ZBTB25: variants seen among roughly 807,000 people sequenced by gnomAD.
The protein encoded by ZBTB25 is zinc finger and BTB domain-containing protein 25.
ZBTB25 carries 20 observed loss-of-function variants against 34.2 expected under a neutral mutation model. That is an observed-to-expected ratio of 0.58 (90% CI 0.41 to 0.85). The LOEUF (loss-of-function observed/expected upper bound fraction) is 0.85, where lower values mean the gene tolerates loss of function less well. Ranked by LOEUF, ZBTB25 falls within the 40% of genes least tolerant of loss-of-function variation. The pLI is 0.00. For missense variants in ZBTB25, 437 were observed against 521.8 expected (o/e 0.84, Z 1.58); for synonymous variants, 175 against 186.4 (o/e 0.94, Z 0.50).
Position 64,487,648 on chromosome 14 carries a change from C to T in ZBTB25, c.583G>A (p.Glu195Lys). The T allele has an allele frequency of 1.2e-6, 2 of 1,604,932 alleles. No individual in the cohort carries two copies. Among genetic ancestry groups the T allele is most frequent in the South Asian group, 2.2e-5 (2 of 89,346 alleles). ...ATGGAAACTGGGGGCTTCTGGTGCT[C>T]CTCCAGGGCCTGGGTGGCAGGACAG... ...RACPATQALEEHQKPPVSIKQ... is the reference protein window; with the variant it reads ...RACPATQALEKHQKPPVSIKQ... The change falls in exon 3 of 3, where the codon GAG (glutamate) becomes AAG (lysine). Residue 195 changes from glutamate to lysine, a missense_variant. Coordinates refer to ENST00000608382, the MANE Select transcript of ZBTB25 (RefSeq NM_006977.5).
In ZBTB25 at chr14:64,480,322, CAAAAAAAA is replaced by C. The variant is rs745930738; in HGVS notation, c.*6593_*6600del. 5.2e-3 allele frequency: 1,083 copies of C among 207,238 alleles called. 9 individuals carry two copies. The highest frequency in any genetic ancestry group is 0.043 in the African/African-American group (813 of 18,802). 12.8% of individuals were successfully genotyped at this position (207,238 alleles called of 1,614,324 possible). On this transcript the variant is annotated 3_prime_UTR_variant, in exon 3 of 3. Transcript: ENST00000608382. ...TGGGCAACAGAGCAAGACTCCATCT[CAAAAAAAA>C]AAAAAAAAAAAAAAAAGAAGAAGCA...
intron 1 of ZBTB25, among the ~76,000 whole-genome samples, chr14:64,500,454 CAAAAAAAAA>C (rs374975040): frequency 1.9e-5 from 1 of 52,084 alleles, no homozygotes; most frequent in Non-Finnish European, 3.4e-5. Context: ...CCCAATAAAG[CAAAAAAAAA>C]AAAAAAAAAA....
chr14:64,459,158 C>T (rs1479549526), intron 2 of ZBTB25, among the ~76,000 whole-genome samples: 1 of 152,134 alleles, frequency 6.6e-6, no homozygotes, highest in Non-Finnish European at 1.5e-5. Context: ...TTCAGACGTG[C>T]AAGGGTTTGC....
downstream of ZBTB25, among the ~76,000 whole-genome samples, chr14:64,476,393 T>G (rs1426855499): frequency 6.6e-6 from 1 of 152,230 alleles, no homozygotes; most frequent in East Asian, 1.9e-4. Flanking sequence ...TGGAGTGATC[T>G]CGGCTCACTG....
intron 2 of ZBTB25, chr14:64,468,857 C>T: frequency 6.2e-7 from 1 of 1,614,082 alleles, no homozygotes; most frequent in Non-Finnish European, 8.5e-7. Flanking sequence ...CATCAAAGTC[C>T]AGGAAGAAGC....
chr14:64,491,223 T>G (rs983214096), intron 1 of ZBTB25, among the ~76,000 whole-genome samples: 3 of 152,208 alleles, frequency 2.0e-5, no homozygotes, highest in African/African-American at 7.2e-5. Context: ...CCCAGCACCT[T>G]GGGAGGATGA....
downstream of ZBTB25, chr14:64,478,036 A>T (rs1404945186): frequency 6.6e-6 from 1 of 152,244 alleles, no homozygotes; most frequent in Non-Finnish European, 1.5e-5. Flanking sequence ...TTTGACATGA[A>T]AGGACACCAT....
chr14:64,503,645 G>A lies in ZBTB25; in HGVS notation c.-8+16C>T. 1 of 982,728 alleles carries A rather than the reference G, an allele frequency of 1.0e-6. No homozygotes were observed. The highest frequency in any genetic ancestry group is 1.2e-6 in the Non-Finnish European group (1 of 827,514). The allele number at this position is 982,728 out of a possible 1,614,324, so 60.9% of individuals were successfully genotyped here. On this transcript the variant is annotated intron_variant, in intron 1 of 2. Coordinates refer to ENST00000608382, the MANE Select transcript of ZBTB25 (RefSeq NM_006977.5). ...GAGCCCGGGGCAGCCCACAGGGGCA[G>A]GACCGCGTCGCTTACCCAGATGCCG...
intron 2 of ZBTB25, chr14:64,454,620 G>T: frequency 1.1e-6 from 1 of 917,392 alleles, no homozygotes; most frequent in African/African-American, 1.6e-5. Flanking sequence ...GGAGTTGGAT[G>T]TTTCGAATAA....
intron 2 of ZBTB25, among the ~76,000 whole-genome samples, chr14:64,466,231 G>A (rs1432187679): frequency 1.3e-5 from 2 of 152,212 alleles, no homozygotes; most frequent in Non-Finnish European, 2.9e-5. Context: ...ACCCTTGCTG[G>A]TTAAGAGCGA....
At chr14:64,493,292 T>C (rs1229632619) in intron 1 of ZBTB25, among the ~76,000 whole-genome samples, 1 of 152,238 alleles carries the variant, frequency 6.6e-6, no homozygotes, top group Non-Finnish European at 1.5e-5. Flanking sequence ...CTTAAAATTT[T>C]AGCTCTGCCA....
At chr14:64,503,617 A>C (rs2079572247) in intron 1 of ZBTB25, 44 bp downstream of exon 1, 1 of 985,342 alleles carries the variant, frequency 1.0e-6, no homozygotes, top group Non-Finnish European at 1.2e-6. Context: ...GGCAGGAGGG[A>C]CTGAGCCCGG....
At chr14:64,449,914 A>G (rs192795605) in intron 2 of ZBTB25, among the ~76,000 whole-genome samples, 294 of 152,270 alleles carry the variant, frequency 1.9e-3, no homozygotes, top group African/African-American at 6.7e-3. Flanking sequence ...TCAGCTTCCC[A>G]AGTAGCTGGG....
At chr14:64,456,138 G>A (rs2078469565) in intron 2 of ZBTB25, among the ~76,000 whole-genome samples, 1 of 152,224 alleles carries the variant, frequency 6.6e-6, no homozygotes, top group South Asian at 2.1e-4. Context: ...AACAGTAGAG[G>A]TGAAAGCAAA....
At chr14:64,453,893 C>G in intron 2 of ZBTB25, 2 of 1,356,628 alleles carry the variant, frequency 1.5e-6, no homozygotes, top group East Asian at 2.3e-5. Flanking sequence ...CCTTTCAACT[C>G]TTTGCAAAGC....
Position 64,490,452 on chromosome 14 carries a change from CTG to C in ZBTB25, c.80_81del (p.Thr27SerfsTer20). On this transcript the variant is annotated frameshift_variant, in exon 2 of 3. Transcript: ENST00000608382. LOFTEE classifies it high-confidence loss of function. ...QREFGFLCDC[T>X]VAIGDVYFKA... ...TTGAAGTAAACATCTCCAATTGCAACTGTGCAATCACACAGAAAACCAAATTC... is the reference window on the plus strand; with the variant it reads ...TTGAAGTAAACATCTCCAATTGCAACTGCAATCACACAGAAAACCAAATTC... The C allele has an allele frequency of 6.2e-7, 1 of 1,613,912 alleles. No individual in the cohort carries two copies. The highest frequency in any genetic ancestry group is 1.1e-5 in the South Asian group (1 of 91,056).
chr14:64,460,130 G>T (rs2078537065), intron 2 of ZBTB25: 2 of 572,004 alleles, frequency 3.5e-6, no homozygotes, highest in Middle Eastern at 4.5e-4. Context: ...TGCCCTTTAT[G>T]ATACTGTTGT....
intron 2 of ZBTB25, chr14:64,469,610 T>C: frequency 6.8e-6 from 11 of 1,611,906 alleles, no homozygotes; most frequent in Non-Finnish European, 9.3e-6. Context: ...TGCTATTCAG[T>C]TGTCAATAGA....
chr14:64,485,404 G>A lies in ZBTB25; in HGVS notation c.*1519C>T. 1.0e-6 allele frequency: 1 copy of A among 985,424 alleles called. No homozygotes were observed. The highest frequency in any genetic ancestry group is 1.2e-6 in the Non-Finnish European group (1 of 829,926). 61.0% of individuals were successfully genotyped at this position (985,424 alleles called of 1,614,324 possible). ...CTGTTTTATTATCCTTGACTATGCG[G>A]GGTTTGAAATTTAAACATTTCAGAA... On this transcript the variant is annotated 3_prime_UTR_variant, in exon 3 of 3. Transcript: ENST00000608382.
Sources: gnomAD v4.1 joint callset for allele counts (sites outside exome capture counted in the v4.1 genomes callset) on GRCh38, gnomAD v4.1.1 for gene constraint, MANE v1.5 for transcripts, NCBI Gene and HGNC (gene_info 2026-07-23, HGNC 2026-07-21) for gene names.